The following SPTLC2 variants were observed in gnomAD, a reference collection of about 807,000 sequenced individuals.
SPTLC2 encodes serine palmitoyltransferase 2.
In SPTLC2, 21 loss-of-function variants were observed where a neutral mutation model predicts 62.0. That is an observed-to-expected ratio of 0.34 (90% CI 0.24 to 0.49). The LOEUF is 0.49. SPTLC2 is among the 20% of genes least tolerant of loss of function. The pLI is 0.99. For synonymous variants in SPTLC2, 261 were observed against 261.8 expected, an observed-to-expected ratio of 1.00 and a Z score of 0.03; for missense variants, 511 against 713.0, an observed-to-expected ratio of 0.72 and a Z score of 3.23.
chr14:77,527,359 T>A (rs2079414456), intron 9 of SPTLC2, among the ~76,000 whole-genome samples: 1 of 152,106 alleles, frequency 6.6e-6, no homozygotes, highest in South Asian at 2.1e-4. Context: ...CAGGCCTAGA[T>A]TTAGTTCTCT....
intron 11 of SPTLC2, among the ~76,000 whole-genome samples, chr14:77,514,386 TG>T (rs2079348626): frequency 6.6e-6 from 1 of 152,202 alleles, no homozygotes; most frequent in Non-Finnish European, 1.5e-5. Context: ...CGGTGTCATG[TG>T]AATATAAGAT....
At position 77,511,301 on chromosome 14, in the gene SPTLC2, A is replaced by T. The variant is rs2079331074; in HGVS notation, c.*983T>A. Reference sequence around the variant, plus strand: ...TTTATCAGTTTAAATCCTAATCTGGACCCAGACCTAGCCAGAGACTGTCAT... The same window carrying T: ...TTTATCAGTTTAAATCCTAATCTGGTCCCAGACCTAGCCAGAGACTGTCAT... On this transcript the variant is annotated 3_prime_UTR_variant, in exon 12 of 12. Coordinates refer to ENST00000216484, the MANE Select transcript of SPTLC2 (RefSeq NM_004863.4). 6.6e-6 allele frequency: 1 copy of T among 152,254 alleles called. No homozygotes were observed. Among genetic ancestry groups the T allele is most frequent in the Non-Finnish European group, 1.5e-5 (1 of 68,038 alleles). 9.4% of individuals were successfully genotyped at this position (152,254 alleles called of 1,614,324 possible).
chr14:77,582,171 G>T (rs1177793217), intron 2 of SPTLC2, among the ~76,000 whole-genome samples: 1 of 151,842 alleles, frequency 6.6e-6, no homozygotes, highest in Non-Finnish European at 1.5e-5. Flanking sequence ...TCCTGTCTCA[G>T]CCTCCCAAGT....
intron 11 of SPTLC2, among the ~76,000 whole-genome samples, chr14:77,517,467 A>T (rs148806716): frequency 1.2e-4 from 19 of 152,346 alleles, no homozygotes; most frequent in African/African-American, 4.3e-4. Flanking sequence ...ATGATCCCCA[A>T]CTAGATGCCT....
At chr14:77,530,023 T>A (rs112376117) in intron 9 of SPTLC2, among the ~76,000 whole-genome samples, 4,281 of 152,278 alleles carry the variant, frequency 0.028, 219 homozygotes, top group African/African-American at 0.098. Flanking sequence ...AAGAATATGT[T>A]GATTTATATT....
Position 77,512,181 on chromosome 14 carries a change from T to C in SPTLC2, c.*103A>G. 1 of 1,554,022 alleles carries C rather than the reference T, an allele frequency of 6.4e-7. No individual in the cohort carries two copies. Among genetic ancestry groups the C allele is most frequent in the Non-Finnish European group, 8.9e-7 (1 of 1,129,158 alleles). On this transcript the variant is annotated 3_prime_UTR_variant, in exon 12 of 12. Coordinates refer to ENST00000216484, the MANE Select transcript of SPTLC2 (RefSeq NM_004863.4). ...CCTTCAGTAGCTGAGGCAATGTCTTTCACGTGAGATGGCCACAGAAGTGTG... is the reference window on the plus strand; with the variant it reads ...CCTTCAGTAGCTGAGGCAATGTCTTCCACGTGAGATGGCCACAGAAGTGTG...
chr14:77,556,429 C>G (rs2079584407), intron 7 of SPTLC2, among the ~76,000 whole-genome samples: 1 of 152,160 alleles, frequency 6.6e-6, no homozygotes, highest in Non-Finnish European at 1.5e-5. Flanking sequence ...CTTGTAATTA[C>G]AGGCAACATG....
intron 1 of SPTLC2, among the ~76,000 whole-genome samples, chr14:77,605,392 G>A (rs2079899962): frequency 6.6e-6 from 1 of 152,148 alleles, no homozygotes; most frequent in African/African-American, 2.4e-5. Context: ...CTTTAATAGA[G>A]AGAGGCAAGC....
At chr14:77,599,559 A>G (rs2079866206) in intron 1 of SPTLC2, among the ~76,000 whole-genome samples, 1 of 152,238 alleles carries the variant, frequency 6.6e-6, no homozygotes, top group Admixed American at 6.5e-5. Flanking sequence ...GCATTCAGAT[A>G]GGCATGGAAG....
At chr14:77,531,443 T>TCTTCTTCTTCTTCTTCTTCTTCTC (rs1478198521) in intron 9 of SPTLC2, among the ~76,000 whole-genome samples, 92 of 130,346 alleles carry the variant, frequency 7.1e-4, no homozygotes, top group South Asian at 1.8e-3. Flanking sequence ...TTCTTCTTCT[T>TCTTCTTCTTCTTCTTCTTCTTCTC]CTCCTCCTTC....
intron 11 of SPTLC2, among the ~76,000 whole-genome samples, chr14:77,512,619 CA>C (rs1481639046): frequency 1.3e-5 from 2 of 152,166 alleles, no homozygotes; most frequent in South Asian, 2.1e-4. Context: ...TGTGAATAGC[CA>C]GGTATGCAGA....
chr14:77,542,827 A>T (rs1051210232), intron 9 of SPTLC2, among the ~76,000 whole-genome samples: 3 of 152,216 alleles, frequency 2.0e-5, no homozygotes, highest in Non-Finnish European at 4.4e-5. Context: ...TTTCAATGCC[A>T]AAAACTAGGA....
chr14:77,538,784 T>TG (rs1188949853), intron 9 of SPTLC2, among the ~76,000 whole-genome samples: 1 of 152,016 alleles, frequency 6.6e-6, no homozygotes, highest in Non-Finnish European at 1.5e-5. Flanking sequence ...TTGCTCAGGC[T>TG]GGTCTCAAAC....
Position 77,552,167 on chromosome 14 carries a change from A to G in SPTLC2, c.1232T>C (p.Leu411Ser). ...GATCTGCTCCACTACAGGAGGTGAC[A>G]ATGACGTGGCATACACTGCACTATG... ...HSHSAVYATS[L>S]SPPVVEQIIT... Residue 411 changes from leucine to serine, a missense_variant, in exon 9 of 12, where the codon TTG (leucine) becomes TCG (serine). Physicochemically the swap from Leu to Ser is moderately radical, Grantham distance 145. Coordinates refer to ENST00000216484, the MANE Select transcript of SPTLC2 (RefSeq NM_004863.4). 6.2e-7 allele frequency: 1 copy of G among 1,614,200 alleles called. No individual in the cohort carries two copies.
rs1029912674 is a variant in SPTLC2, at chr14:77,507,329, C to T, written c.*4955G>A. 1 of 149,570 alleles carries T rather than the reference C, an allele frequency of 6.7e-6. No homozygotes were observed. Among genetic ancestry groups the T allele is most frequent in the Admixed American group, 6.6e-5 (1 of 15,080 alleles). 9.3% of individuals were successfully genotyped at this position (149,570 alleles called of 1,614,324 possible). On this transcript the variant is annotated 3_prime_UTR_variant, in exon 12 of 12. Coordinates refer to ENST00000216484, the MANE Select transcript of SPTLC2 (RefSeq NM_004863.4). ...ATGGCAATGGCTAGGGGCCTGGGCACACCTTTTTTTTTTTTTTTTGAGACA... is the reference window on the plus strand; with the variant it reads ...ATGGCAATGGCTAGGGGCCTGGGCATACCTTTTTTTTTTTTTTTTGAGACA...
At chr14:77,543,213 C>A (rs1471236136) in intron 9 of SPTLC2, among the ~76,000 whole-genome samples, 1 of 152,144 alleles carries the variant, frequency 6.6e-6, no homozygotes, top group Non-Finnish European at 1.5e-5. Context: ...CCACACCCGG[C>A]TAATTTTTGT....
At position 77,606,500 on chromosome 14, in the gene SPTLC2, A is replaced by G. The variant is rs17106085; in HGVS notation, c.133-9120T>C. ...TGATCATCCCTCCCTTTAATTTCAC[A>G]TGCCCAGAGAAGTGGAGATTTCTCA... On this transcript the variant is annotated intron_variant, in intron 1 of 11. Coordinates refer to ENST00000216484, the MANE Select transcript of SPTLC2 (RefSeq NM_004863.4). 8.1e-4 allele frequency among the ~76,000 whole-genome samples: 124 copies of G among 152,192 alleles called. 1 individual carries two copies. The East Asian group carries it at 0.021, about 25-fold the overall frequency.
chr14:77,556,942 A>T (rs867726825), intron 7 of SPTLC2, 99 bp downstream of exon 7: 2 of 918,192 alleles, frequency 2.2e-6, no homozygotes, highest in Middle Eastern at 2.1e-4. Flanking sequence ...CTGTCTCCTT[A>T]GTTTCCAGAG....
At chr14:77,542,986 T>C (rs914573437) in intron 9 of SPTLC2, among the ~76,000 whole-genome samples, 2 of 152,186 alleles carry the variant, frequency 1.3e-5, no homozygotes, top group Non-Finnish European at 2.9e-5. Flanking sequence ...AGAGGCCAAG[T>C]GCCTGTGAAA....
Sources: gnomAD v4.1 joint callset for allele counts (sites outside exome capture counted in the v4.1 genomes callset) on GRCh38, gnomAD v4.1.1 for gene constraint, MANE v1.5 for transcripts, NCBI Gene and HGNC (gene_info 2026-07-23, HGNC 2026-07-21) for gene names.